Variants in KIAA0319L observed in about 807,000 individuals in gnomAD.
KIAA0319L encodes the protein dyslexia-associated protein KIAA0319-like protein.
Under a neutral mutation model 120.1 loss-of-function variants are expected in KIAA0319L, and 55 were observed. The ratio of observed to expected loss-of-function variants is 0.46; its 90% CI spans 0.37 to 0.57. KIAA0319L has a LOEUF of 0.57. KIAA0319L is among the 20% of genes least tolerant of loss of function. The pLI is 0.00. For missense variants in KIAA0319L, 1,049 were observed against 1,255.3 expected, an observed-to-expected ratio of 0.84 and a Z score of 2.48; for synonymous variants, 398 against 471.9, an observed-to-expected ratio of 0.84 and a Z score of 2.03.
At chr1:35,456,767 C>A (rs1416317974) in intron 9 of KIAA0319L, among the ~76,000 whole-genome samples, 1 of 150,354 alleles carries the variant, frequency 6.7e-6, no homozygotes, top group Non-Finnish European at 1.5e-5. Context: ...GCTGTGATTG[C>A]ACCACTGCAC....
Position 35,460,682 on chromosome 1 carries a change from A to G in KIAA0319L, c.1295-245T>C, listed in dbSNP as rs117700613. 6.3e-3 allele frequency among the ~76,000 whole-genome samples: 966 copies of G among 152,362 alleles called. 27 individuals carry two copies. In the East Asian group the frequency reaches 0.069, roughly 11 times the overall value. ...CAACCTCTGGTTAAAATACTACTGTATGAAGAAAGGAAAAGCAATAATTCT... is the reference window on the plus strand; with the variant it reads ...CAACCTCTGGTTAAAATACTACTGTGTGAAGAAAGGAAAAGCAATAATTCT... On this transcript the variant is annotated intron_variant, in intron 8 of 20. Coordinates refer to ENST00000325722, the MANE Select transcript of KIAA0319L (RefSeq NM_024874.5).
intron 2 of KIAA0319L, among the ~76,000 whole-genome samples, chr1:35,519,751 A>T (rs931269124): frequency 6.6e-6 from 1 of 152,210 alleles, no homozygotes; most frequent in South Asian, 2.1e-4. Flanking sequence ...TCCCACAGGA[A>T]ACTAAAACTA....
At chr1:35,474,146 G>C (rs529800564) in intron 5 of KIAA0319L, among the ~76,000 whole-genome samples, 12 of 152,148 alleles carry the variant, frequency 7.9e-5, no homozygotes, top group Admixed American at 3.3e-4. Context: ...CAACGGTCCT[G>C]TGAGGATAGG....
intron 19 of KIAA0319L, 38 bp from the exon 20 acceptor site, chr1:35,441,176 G>C (rs1346629189): frequency 1.3e-6 from 2 of 1,586,844 alleles, no homozygotes; most frequent in Admixed American, 3.3e-5. Context: ...CAGGAAAGAG[G>C]TTCTCTGGGA....
Position 35,450,484 on chromosome 1 carries a change from C to T in KIAA0319L, c.2088G>A (p.Lys696=). The change falls in exon 14 of 21, where the codon AAG becomes AAA. Residue 696 remains lysine, a synonymous_variant. Coordinates refer to ENST00000325722, the MANE Select transcript of KIAA0319L (RefSeq NM_024874.5). ...GGGTAATCACCACATTCCCAGTTAT[C>T]TTGGCTATAGGTGGTTTGTTTATTT... ...KEEINKPPIA[K]ITGNVVITLP... 6.2e-7 allele frequency: 1 copy of T among 1,613,910 alleles called. No homozygotes were observed. Among genetic ancestry groups the T allele is most frequent in the Non-Finnish European group, 8.5e-7 (1 of 1,179,788 alleles).
intron 2 of KIAA0319L, among the ~76,000 whole-genome samples, chr1:35,518,339 G>A (rs775022488): frequency 7.2e-5 from 11 of 152,126 alleles, no homozygotes; most frequent in Non-Finnish European, 1.5e-4. Flanking sequence ...TGACAGACTG[G>A]ATAAAGAAAA....
chr1:35,547,379 T>G (rs952187964), intron 2 of KIAA0319L, among the ~76,000 whole-genome samples: 5 of 151,182 alleles, frequency 3.3e-5, no homozygotes, highest in African/African-American at 4.9e-5. Context: ...ATACATGTAT[T>G]TATATATACA....
intron 4 of KIAA0319L, 61 bp downstream of exon 4, chr1:35,478,905 G>T: frequency 2.6e-6 from 4 of 1,565,420 alleles, no homozygotes; most frequent in Non-Finnish European, 3.5e-6. Flanking sequence ...TCCTCTAAAA[G>T]GGAATACTTT....
At chr1:35,478,874 G>A in intron 4 of KIAA0319L, 92 bp downstream of exon 4, 1 of 1,437,152 alleles carries the variant, frequency 7.0e-7, no homozygotes, top group Non-Finnish European at 9.5e-7. Flanking sequence ...CAGTATTCAA[G>A]TTATGCCTCC....
rs1264654643 is a variant in KIAA0319L, at chr1:35,479,033, A to C, written c.846T>G (p.Ala282=). ...TAGGGGTAGCATAACTGTAGGAGGG[A>C]GCCACTGGCTGGGGGACAGCAATCT... ...KTQIAVPQPV[A]PSYSYATPTP... Residue 282 remains alanine, a synonymous_variant, in exon 4 of 21, where the codon GCT becomes GCG. Transcript: ENST00000325722. 6.2e-7 allele frequency: 1 copy of C among 1,614,084 alleles called. No homozygotes were observed. Among genetic ancestry groups the C allele is most frequent in the Non-Finnish European group, 8.5e-7 (1 of 1,180,008 alleles).
At chr1:35,457,820 C>T (rs1235200163) in intron 9 of KIAA0319L, among the ~76,000 whole-genome samples, 1 of 152,174 alleles carries the variant, frequency 6.6e-6, no homozygotes, top group South Asian at 2.1e-4. Flanking sequence ...GAAAAAAGCA[C>T]AAAAACCTCA....
At chr1:35,480,411 T>G (rs1233094833) in intron 3 of KIAA0319L, among the ~76,000 whole-genome samples, 1 of 152,198 alleles carries the variant, frequency 6.6e-6, no homozygotes, top group African/African-American at 2.4e-5. Context: ...AGCAGGAATA[T>G]CACTTAGAAG....
chr1:35,466,183 G>C (rs1339594919), intron 7 of KIAA0319L, among the ~76,000 whole-genome samples: 1 of 152,202 alleles, frequency 6.6e-6, no homozygotes, highest in Non-Finnish European at 1.5e-5. Context: ...GAGACTGGTA[G>C]TGTTTAAATG....
chr1:35,451,554 C>A, intron 13 of KIAA0319L, 74 bp downstream of exon 13: 1 of 1,445,416 alleles, frequency 6.9e-7, no homozygotes, highest in Non-Finnish European at 9.6e-7. Context: ...TTTCTGCAGG[C>A]AAACATGACA....
At position 35,506,770 on chromosome 1, in the gene KIAA0319L, G is replaced by A. The variant is rs1225415227; in HGVS notation, c.508C>T (p.Leu170Phe). The change falls in exon 3 of 21, where the codon CTC becomes TTC. Residue 170 changes from leucine (L) to phenylalanine (F), a missense_variant. Coordinates refer to ENST00000325722, the MANE Select transcript of KIAA0319L (RefSeq NM_024874.5). The surrounding 1 kb of genome is among the most constrained non-coding windows in gnomAD (Gnocchi z 4.0). ...TCACTGGAAGATACAGCAGGTCTGAGTGCAGCTCTGGGTGGGCTCTGCCTC... is the reference window on the plus strand; with the variant it reads ...TCACTGGAAGATACAGCAGGTCTGAATGCAGCTCTGGGTGGGCTCTGCCTC... ...SWRQSPPRAA[L>F]RPAVSSSDQQ... 1.1e-5 allele frequency: 18 copies of A among 1,614,218 alleles called. No homozygotes were observed. Among genetic ancestry groups the A allele is most frequent in the Non-Finnish European group, 1.5e-5 (18 of 1,180,034 alleles).
rs147576233 is a variant in KIAA0319L at position 35,450,143 on chromosome 1, A to G, written c.2215-138T>C. 9.1e-3 allele frequency: 10,086 copies of G among 1,105,832 alleles called. 60 individuals are homozygous for G. The highest frequency in any genetic ancestry group is 0.012 in the Non-Finnish European group (8,974 of 745,240). 68.5% of individuals were successfully genotyped at this position (1,105,832 alleles called of 1,614,324 possible). A position where few individuals can be genotyped will look rare whatever the true frequency, so the allele number is the denominator to read the frequency against. On this transcript the variant is annotated intron_variant, in intron 14 of 20. Coordinates refer to ENST00000325722, the MANE Select transcript of KIAA0319L (RefSeq NM_024874.5). ...TGGGCAGTTCCTGATACGGAACAGC[A>G]TTGCAGCCTACAACTGCTAGGATCA...
chr1:35,460,141 C>A (rs1642786279), intron 9 of KIAA0319L, among the ~76,000 whole-genome samples, 164 bp downstream of exon 9: 1 of 152,152 alleles, frequency 6.6e-6, no homozygotes, highest in South Asian at 2.1e-4. Flanking sequence ...TTGTTGTAAT[C>A]ACAATCACCA....
intron 2 of KIAA0319L, among the ~76,000 whole-genome samples, chr1:35,532,179 T>C (rs1027140900): frequency 6.6e-6 from 1 of 151,388 alleles, no homozygotes; most frequent in Non-Finnish European, 1.5e-5. Context: ...GAGGCAGAGG[T>C]TGCAGTCATC....
intron 2 of KIAA0319L, among the ~76,000 whole-genome samples, chr1:35,531,386 G>A (rs560714334): frequency 2.0e-5 from 3 of 152,288 alleles, no homozygotes; most frequent in East Asian, 1.9e-4. Context: ...AGGCAGATAC[G>A]AGGGAATGTC....
Sources: allele counts gnomAD v4.1 joint callset (sites outside exome capture counted in the v4.1 genomes callset), GRCh38; gene constraint gnomAD v4.1.1; non-coding constraint Gnocchi (gnomAD v3.1); transcripts MANE v1.5; gene names NCBI Gene and HGNC (gene_info 2026-07-23, HGNC 2026-07-21).